KCNIP4: variants seen among roughly 807,000 people sequenced by gnomAD.
KCNIP4 encodes potassium voltage-gated channel interacting protein 4.
Under a neutral mutation model 34.0 loss-of-function variants are expected in KCNIP4, and 12 were observed. The ratio of observed to expected loss-of-function variants is 0.35; its 90% CI spans 0.23 to 0.57. The LOEUF is 0.57. Among genes scored for constraint, KCNIP4 ranks in the 20% least tolerant of loss-of-function variants. KCNIP4 has a pLI of 0.83. For synonymous variants in KCNIP4, 124 were observed against 102.2 expected (o/e 1.21, Z -1.29); for missense variants, 238 against 311.7 (o/e 0.76, Z 1.78).
intron 1 of KCNIP4, among the ~76,000 whole-genome samples, chr4:21,065,751 T>C (rs1560690314): frequency 1.4e-5 from 2 of 143,288 alleles, no homozygotes. Context: ...TATATATATA[T>C]ATATATATAT....
chr4:21,857,149 T>C (rs1724811339), intron 1 of KCNIP4, among the ~76,000 whole-genome samples: 1 of 152,222 alleles, frequency 6.6e-6, no homozygotes, highest in African/African-American at 2.4e-5. Flanking sequence ...TTATGTTTTT[T>C]CTGGGCCTAC....
At chr4:20,837,510 A>G (rs1719185699) in intron 3 of KCNIP4, among the ~76,000 whole-genome samples, 1 of 151,964 alleles carries the variant, frequency 6.6e-6, no homozygotes, top group Non-Finnish European at 1.5e-5. Context: ...TACAGTGATG[A>G]ATGGTGCCCT....
intron 1 of KCNIP4, among the ~76,000 whole-genome samples, chr4:20,949,978 T>C (rs1732605128): frequency 6.6e-6 from 1 of 150,650 alleles, no homozygotes; most frequent in Admixed American, 6.6e-5. Flanking sequence ...CTGCACATTG[T>C]GCACATGTAC....
intron 1 of KCNIP4, among the ~76,000 whole-genome samples, chr4:21,394,582 C>T (rs1722827949): frequency 6.6e-6 from 1 of 152,146 alleles, no homozygotes; most frequent in African/African-American, 2.4e-5. Context: ...CTGTGTTCCC[C>T]ATGCTACTTT....
intron 1 of KCNIP4, among the ~76,000 whole-genome samples, chr4:21,473,475 T>C (rs1730636416): frequency 6.6e-6 from 1 of 152,188 alleles, no homozygotes; most frequent in Admixed American, 6.5e-5. Context: ...TATTTTCTGA[T>C]GGTAAAAGAG....
intron 1 of KCNIP4, among the ~76,000 whole-genome samples, chr4:21,061,595 A>G (rs1214762558): frequency 2.6e-5 from 4 of 152,140 alleles, no homozygotes; most frequent in Non-Finnish European, 5.9e-5. Flanking sequence ...CTTTTAATCA[A>G]GCTGGAACCC....
At chr4:20,956,908 A>G (rs1733368473) in intron 1 of KCNIP4, among the ~76,000 whole-genome samples, 1 of 152,228 alleles carries the variant, frequency 6.6e-6, no homozygotes, top group Non-Finnish European at 1.5e-5. Flanking sequence ...TAGCATTTGC[A>G]TAGCATCTAT....
In KCNIP4 at chr4:21,642,031, AT is replaced by A. The variant is rs547232016; in HGVS notation, c.61+306539del. 2.0e-3 allele frequency among the ~76,000 whole-genome samples: 306 copies of A among 152,184 alleles called. 1 individual carries two copies. Among genetic ancestry groups the A allele is most frequent in the African/African-American group, 5.5e-3 (229 of 41,524 alleles). ...GAATAGTTACTTACTCTGGATATTG[AT>A]TTGCCTTTTCTGCACACGATGTTTC... On this transcript the variant is annotated intron_variant, in intron 1 of 8. Transcript: ENST00000382152.
intron 1 of KCNIP4, among the ~76,000 whole-genome samples, chr4:20,886,616 C>A (rs1040097428): frequency 2.0e-5 from 3 of 152,150 alleles, no homozygotes; most frequent in African/African-American, 7.2e-5. Context: ...CCCTGCCAGC[C>A]TTCCAAAGAA....
intron 1 of KCNIP4, among the ~76,000 whole-genome samples, chr4:21,253,081 T>C (rs1760830454): frequency 6.6e-6 from 1 of 152,184 alleles, no homozygotes; most frequent in African/African-American, 2.4e-5. Flanking sequence ...ACTCATACCT[T>C]TCTGTGACAT....
At chr4:21,428,249 C>T (rs1433223604) in intron 1 of KCNIP4, among the ~76,000 whole-genome samples, 1 of 152,004 alleles carries the variant, frequency 6.6e-6, no homozygotes, top group Non-Finnish European at 1.5e-5. Context: ...AGAATGACAT[C>T]GTATAGTCGT....
At chr4:20,730,979 C>T (rs1747989489) in intron 8 of KCNIP4, among the ~76,000 whole-genome samples, 1 of 152,118 alleles carries the variant, frequency 6.6e-6, no homozygotes, top group African/African-American at 2.4e-5. Flanking sequence ...AGTTGAGAGA[C>T]AAGCAGACAT....
At chr4:21,820,088 A>G (rs947999582) in intron 1 of KCNIP4, among the ~76,000 whole-genome samples, 1 of 150,892 alleles carries the variant, frequency 6.6e-6, no homozygotes, top group African/African-American at 2.5e-5. Context: ...TTAGAAAGTT[A>G]AAAAAATAAA....
chr4:20,975,546 T>C (rs943681029), intron 1 of KCNIP4, among the ~76,000 whole-genome samples: 1 of 152,142 alleles, frequency 6.6e-6, no homozygotes, highest in East Asian at 1.9e-4. Flanking sequence ...AAGGAAGTCA[T>C]TTTATTGAAA....
chr4:21,150,787 G>C (rs377472686), intron 1 of KCNIP4, among the ~76,000 whole-genome samples: 3 of 152,080 alleles, frequency 2.0e-5, no homozygotes, highest in Non-Finnish European at 4.4e-5. Context: ...TCAGACTATC[G>C]GTCTTAATAT....
chr4:21,006,410 ATGTAAAAGAAGAGGACT>A (rs1738562394), intron 1 of KCNIP4, among the ~76,000 whole-genome samples: 1 of 152,188 alleles, frequency 6.6e-6, no homozygotes, highest in Non-Finnish European at 1.5e-5. Flanking sequence ...AGCACATACC[ATGTAAAAGAAGAGGACT>A]TGCATAAGCC....
intron 1 of KCNIP4, among the ~76,000 whole-genome samples, chr4:21,097,904 T>C (rs1157039623): frequency 2.0e-5 from 3 of 152,152 alleles, no homozygotes; most frequent in African/African-American, 7.2e-5. Context: ...GGCCAAAAGC[T>C]AGGACTCTTG....
Sources: allele counts gnomAD v4.1 joint callset (sites outside exome capture counted in the v4.1 genomes callset), GRCh38; gene constraint gnomAD v4.1.1; transcripts MANE v1.5; gene names NCBI Gene and HGNC (gene_info 2026-07-23, HGNC 2026-07-21).